The following LNX1 variants were observed in gnomAD, a reference collection of about 807,000 sequenced individuals.
The protein encoded by LNX1 is ligand of numb-protein X 1.
A neutral mutation model predicts 68.4 loss-of-function variants in LNX1; 54 were observed. The observed-to-expected ratio is 0.79, with a 90% CI of 0.63 to 0.99. LNX1 has a LOEUF of 0.99. LNX1 is among the 50% of genes least tolerant of loss of function. The pLI is 0.00. For missense variants in LNX1, 906 were observed against 926.4 expected (o/e 0.98, Z 0.29); for synonymous variants, 336 against 350.0 (o/e 0.96, Z 0.45).
At chr4:53,568,524 A>T (rs1019177606) in intron 2 of LNX1, among the ~76,000 whole-genome samples, 4 of 151,244 alleles carry the variant, frequency 2.6e-5, no homozygotes, top group Non-Finnish European at 4.4e-5. Flanking sequence ...TCTATGACAA[A>T]CCTACAGCCA....
intron 1 of LNX1, among the ~76,000 whole-genome samples, chr4:53,643,590 G>A (rs1294693752): frequency 6.6e-6 from 1 of 152,124 alleles, no homozygotes; most frequent in Non-Finnish European, 1.5e-5. Flanking sequence ...ACAAAATTCA[G>A]GGGACTGAAG....
intron 2 of LNX1, among the ~76,000 whole-genome samples, chr4:53,568,634 T>C (rs1374253187): frequency 6.6e-6 from 1 of 150,806 alleles, no homozygotes; most frequent in Non-Finnish European, 1.5e-5. Context: ...CCACTCCTAT[T>C]CAACATAGTG....
At chr4:53,534,532 T>C (rs1560650812) in intron 2 of LNX1, among the ~76,000 whole-genome samples, 1 of 152,164 alleles carries the variant, frequency 6.6e-6, no homozygotes, top group East Asian at 1.9e-4. Context: ...GGCCCAGCTA[T>C]TCAGAAGGCT....
chr4:53,559,601 T>A (rs533690460), intron 2 of LNX1, among the ~76,000 whole-genome samples: 51 of 152,288 alleles, frequency 3.3e-4, no homozygotes, highest in African/African-American at 1.2e-3. Flanking sequence ...AATGAGGCAA[T>A]GCCCATAAAC....
chr4:53,567,924 C>T (rs1178122153), intron 2 of LNX1, among the ~76,000 whole-genome samples: 1 of 151,990 alleles, frequency 6.6e-6, no homozygotes, highest in African/African-American at 2.4e-5. Flanking sequence ...TTGACACATA[C>T]ACTCTCCCAA....
chr4:53,583,254 G>T (rs1259582588), intron 1 of LNX1, among the ~76,000 whole-genome samples: 8 of 152,162 alleles, frequency 5.3e-5, no homozygotes, highest in Non-Finnish European at 1.2e-4. Flanking sequence ...TAATAGGGAA[G>T]AATTAGGAGC....
intron 1 of LNX1, among the ~76,000 whole-genome samples, chr4:53,637,875 C>T (rs1037554044): frequency 2.0e-5 from 3 of 152,178 alleles, no homozygotes; most frequent in Non-Finnish European, 4.4e-5. Context: ...AAAGTCGCAC[C>T]TTCTAACTTC....
chr4:53,640,420 A>C (rs1387691504), intron 1 of LNX1, among the ~76,000 whole-genome samples: 2 of 152,240 alleles, frequency 1.3e-5, no homozygotes, highest in Non-Finnish European at 2.9e-5. Context: ...CTCAGTAAAA[A>C]GTAAACAGAA....
At chr4:53,512,335 C>G (rs564602661) in intron 2 of LNX1, among the ~76,000 whole-genome samples, 1 of 152,004 alleles carries the variant, frequency 6.6e-6, no homozygotes, top group South Asian at 2.1e-4. Flanking sequence ...CATCTGCAAG[C>G]CAGCTCTAGC....
intron 6 of LNX1, among the ~76,000 whole-genome samples, chr4:53,483,386 A>G (rs146574115): frequency 2.0e-5 from 3 of 152,330 alleles, no homozygotes; most frequent in African/African-American, 4.8e-5. Flanking sequence ...ATACATTTAC[A>G]AATTGTCTTT....
intron 9 of LNX1, among the ~76,000 whole-genome samples, chr4:53,463,818 T>G (rs1722403852): frequency 6.6e-6 from 1 of 152,020 alleles, no homozygotes; most frequent in Admixed American, 6.6e-5. Context: ...AGAAGCTAAG[T>G]TTTTTTCTAA....
At chr4:53,585,804 C>G (rs1231078352) in intron 1 of LNX1, among the ~76,000 whole-genome samples, 1 of 152,154 alleles carries the variant, frequency 6.6e-6, no homozygotes, top group East Asian at 1.9e-4. Flanking sequence ...AAACTTCCAG[C>G]CTCCAGAACT....
At position 53,573,720 on chromosome 4, in the gene LNX1, T is replaced by A; in HGVS notation, c.283A>T (p.Asn95Tyr). 6.2e-7 allele frequency: 1 copy of A among 1,611,306 alleles called. No homozygotes were observed. Reference sequence around the variant, plus strand: ...ACCAGTAGCTTGTTGAGGAGTTTGTTGACCAGGATGCTGGACTTCTTGCAG... The same window carrying A: ...ACCAGTAGCTTGTTGAGGAGTTTGTAGACCAGGATGCTGGACTTCTTGCAG... ...QHCKKSSILV[N>Y]KLLNKLLVTC... Residue 95 changes from asparagine to tyrosine, a missense_variant, in exon 2 of 11, where the codon AAC (asparagine) becomes TAC (tyrosine). By Grantham distance (143) the Asn-to-Tyr change is moderately radical. Coordinates refer to ENST00000263925, the MANE Select transcript of LNX1 (RefSeq NM_001126328.3).
At chr4:53,466,194 T>C (rs188638530) in intron 9 of LNX1, among the ~76,000 whole-genome samples, 40 of 152,302 alleles carry the variant, frequency 2.6e-4, no homozygotes, top group African/African-American at 8.7e-4. Context: ...TCACTAATAT[T>C]GTACTGTTTT....
chr4:53,515,897 CTG>C (rs1726740206), intron 2 of LNX1, among the ~76,000 whole-genome samples: 1 of 152,150 alleles, frequency 6.6e-6, no homozygotes, highest in Non-Finnish European at 1.5e-5. Context: ...CTTAATTCCT[CTG>C]AGCCTTGTTT....
chr4:53,618,341 A>G (rs929319843), upstream of LNX1, among the ~76,000 whole-genome samples: 14 of 152,218 alleles, frequency 9.2e-5, no homozygotes, highest in Admixed American at 3.3e-4. Flanking sequence ...CCTTTTTCAG[A>G]TGACTTGCTG....
intron 2 of LNX1, among the ~76,000 whole-genome samples, chr4:53,551,760 T>C (rs944252723): frequency 1.3e-5 from 2 of 152,184 alleles, no homozygotes; most frequent in Non-Finnish European, 2.9e-5. Flanking sequence ...CTTTTGTTCC[T>C]GCTCTAAAGC....
At chr4:53,632,217 G>C (rs1029456679) in intron 1 of LNX1, among the ~76,000 whole-genome samples, 13 of 152,174 alleles carry the variant, frequency 8.5e-5, no homozygotes, top group Non-Finnish European at 1.6e-4. Flanking sequence ...TCAGCACTTA[G>C]AGTGGGGTTT....
At chr4:53,650,133 A>G (rs1025030236) in intron 1 of LNX1, among the ~76,000 whole-genome samples, 6 of 152,190 alleles carry the variant, frequency 3.9e-5, no homozygotes, top group Admixed American at 3.3e-4. Context: ...GATGCTGAGG[A>G]CACGTGCCCT....
Sources: allele counts gnomAD v4.1 joint callset (sites outside exome capture counted in the v4.1 genomes callset), GRCh38; gene constraint gnomAD v4.1.1; transcripts MANE v1.5; gene names NCBI Gene and HGNC (gene_info 2026-07-23, HGNC 2026-07-21).